Variants in SMYD3 observed in about 807,000 individuals in gnomAD.
The protein encoded by SMYD3 is SET and MYND domain containing 3.
Under a neutral mutation model 57.7 loss-of-function variants are expected in SMYD3, and 36 were observed. That is an observed-to-expected ratio of 0.62 (90% CI 0.48 to 0.82). SMYD3 has a LOEUF of 0.82. SMYD3 is among the 40% of genes least tolerant of loss of function. The probability of loss-of-function intolerance (pLI) is 0.00; values close to 1 mark genes in which losing one functional copy is unlikely to be tolerated. For missense variants in SMYD3, 515 were observed against 538.8 expected (o/e 0.96, Z 0.44); for synonymous variants, 211 against 195.0 (o/e 1.08, Z -0.68).
intron 1 of SMYD3, among the ~76,000 whole-genome samples, chr1:246,409,315 C>T (rs1239524617): frequency 6.6e-6 from 1 of 152,154 alleles, no homozygotes; most frequent in Non-Finnish European, 1.5e-5. Context: ...TTAGGTCTGA[C>T]ATGTAAGTCT....
intron 10 of SMYD3, among the ~76,000 whole-genome samples, chr1:245,797,817 C>G (rs2047608189): frequency 8.9e-6 from 1 of 111,736 alleles, no homozygotes; most frequent in Non-Finnish European, 1.8e-5. Context: ...CTCTCAATTG[C>G]TTCCGGGTTC....
intron 1 of SMYD3, among the ~76,000 whole-genome samples, chr1:246,415,467 A>G (rs1418085466): frequency 2.0e-5 from 3 of 152,224 alleles, no homozygotes; most frequent in African/African-American, 7.2e-5. Context: ...TAGTCCATGT[A>G]CTAACAAGGA....
chr1:245,893,664 T>G (rs1890824), intron 8 of SMYD3, among the ~76,000 whole-genome samples: 151,907 of 152,282 alleles, frequency 1, 75,769 homozygotes, highest in Middle Eastern at 1. Flanking sequence ...AAAGAAGATT[T>G]GGGTTAGCAG....
intron 5 of SMYD3, among the ~76,000 whole-genome samples, chr1:246,068,131 TG>T (rs1469050849): frequency 6.6e-6 from 1 of 152,174 alleles, no homozygotes; most frequent in Non-Finnish European, 1.5e-5. Flanking sequence ...GATTTTCATC[TG>T]GAGGTATGTT....
intron 1 of SMYD3, among the ~76,000 whole-genome samples, chr1:246,476,058 C>G (rs948716262): frequency 6.6e-6 from 1 of 152,148 alleles, no homozygotes; most frequent in Admixed American, 6.5e-5. Flanking sequence ...GATCCTAAAG[C>G]TATTTTTCTT....
At chr1:246,001,310 T>C (rs1243128272) in intron 5 of SMYD3, among the ~76,000 whole-genome samples, 1 of 152,208 alleles carries the variant, frequency 6.6e-6, no homozygotes, top group Admixed American at 6.5e-5. Flanking sequence ...GAGAAAAATA[T>C]GCCAGGCAAG....
chr1:246,235,987 AC>A (rs1359234055), intron 5 of SMYD3, among the ~76,000 whole-genome samples: 2 of 152,110 alleles, frequency 1.3e-5, no homozygotes, highest in African/African-American at 4.8e-5. Flanking sequence ...AGAAAGCACT[AC>A]TCTACAGAGT....
chr1:245,806,639 G>C (rs969939709), intron 10 of SMYD3, among the ~76,000 whole-genome samples: 1 of 152,072 alleles, frequency 6.6e-6, no homozygotes, highest in African/African-American at 2.4e-5. Context: ...GGCCGGGCGC[G>C]GTGGCTCACG....
In SMYD3 at chr1:245,860,611, T is replaced by C. The variant is rs115566287; in HGVS notation, c.902-1941A>G. 3.1e-3 allele frequency among the ~76,000 whole-genome samples: 471 copies of C among 152,346 alleles called. 2 individuals carry two copies. Among genetic ancestry groups the C allele is most frequent in the African/African-American group, 0.011 (460 of 41,592 alleles). On this transcript the variant is annotated intron_variant, in intron 9 of 11. Coordinates refer to ENST00000490107, the MANE Select transcript of SMYD3 (RefSeq NM_001167740.2). Reference sequence around the variant, plus strand: ...TACAATGTTAGGATGAGTCCCGTCTTGGAGGAATTGACCCTGATCCCAGAA... The same window carrying C: ...TACAATGTTAGGATGAGTCCCGTCTCGGAGGAATTGACCCTGATCCCAGAA...
intron 1 of SMYD3, among the ~76,000 whole-genome samples, chr1:246,504,980 C>A (rs1395083619): frequency 1.3e-5 from 2 of 152,216 alleles, no homozygotes; most frequent in Admixed American, 6.5e-5. Flanking sequence ...CAACCAGGCT[C>A]TTTGGAACAC....
chr1:246,433,818 G>A (rs1282603303), intron 1 of SMYD3, among the ~76,000 whole-genome samples: 3 of 152,088 alleles, frequency 2.0e-5, no homozygotes, highest in African/African-American at 2.4e-5. Context: ...TTGCCCAAGC[G>A]ATTCTAAGCA....
intron 5 of SMYD3, among the ~76,000 whole-genome samples, chr1:246,238,463 T>G (rs2063546344): frequency 6.6e-6 from 1 of 152,216 alleles, no homozygotes; most frequent in Non-Finnish European, 1.5e-5. Context: ...CTTTCTCAGT[T>G]GATTTTTGGA....
chr1:246,237,582 TTAAA>T (rs767428374), intron 5 of SMYD3, among the ~76,000 whole-genome samples: 76 of 152,306 alleles, frequency 5.0e-4, no homozygotes, highest in Admixed American at 1.6e-3. Context: ...TTTCTGGGCT[TTAAA>T]CAAACTCATT....
intron 5 of SMYD3, among the ~76,000 whole-genome samples, chr1:245,935,212 AAAAC>A (rs1247784336): frequency 2.0e-5 from 3 of 152,252 alleles, no homozygotes; most frequent in South Asian, 2.1e-4. Flanking sequence ...CAATATCAAG[AAAAC>A]AAACAACCCA....
intron 8 of SMYD3, among the ~76,000 whole-genome samples, chr1:245,895,357 C>T (rs1017429289): frequency 6.6e-6 from 1 of 152,136 alleles, no homozygotes; most frequent in Non-Finnish European, 1.5e-5. Context: ...CTGAGGACAA[C>T]ATAGTTTGGT....
intron 5 of SMYD3, among the ~76,000 whole-genome samples, chr1:246,065,947 T>C (rs2060333030): frequency 6.6e-6 from 1 of 152,206 alleles, no homozygotes; most frequent in Admixed American, 6.5e-5. Flanking sequence ...TTTCATTTCA[T>C]TTTTTTCTCC....
chr1:245,799,749 GAGA>G (rs897292686), intron 10 of SMYD3, among the ~76,000 whole-genome samples: 15 of 152,142 alleles, frequency 9.9e-5, no homozygotes, highest in Non-Finnish European at 1.9e-4. Flanking sequence ...CAGTGAGGCA[GAGA>G]AGCTTCCTGC....
chr1:245,890,434 C>T (rs563447719), intron 8 of SMYD3, among the ~76,000 whole-genome samples: 1 of 152,124 alleles, frequency 6.6e-6, no homozygotes, highest in Non-Finnish European at 1.5e-5. Context: ...TCTAAATAAA[C>T]ATTTCTCAAA....
chr1:246,314,557 G>T (rs2065127120), intron 5 of SMYD3, among the ~76,000 whole-genome samples: 1 of 152,172 alleles, frequency 6.6e-6, no homozygotes, highest in Non-Finnish European at 1.5e-5. Flanking sequence ...GGAAACTTGT[G>T]ATCAATCCGC....
Sources: allele counts gnomAD v4.1 joint callset (sites outside exome capture counted in the v4.1 genomes callset), GRCh38; gene constraint gnomAD v4.1.1; transcripts MANE v1.5; gene names NCBI Gene and HGNC (gene_info 2026-07-23, HGNC 2026-07-21).